ALPK1: variants seen among roughly 807,000 people sequenced by gnomAD.
ALPK1 encodes the protein alpha kinase 1.
In ALPK1, 110 loss-of-function variants were observed where a neutral mutation model predicts 120.6. The ratio of observed to expected loss-of-function variants is 0.91; its 90% CI spans 0.78 to 1.07. The LOEUF is 1.07. ALPK1 is among the 50% of genes least tolerant of loss of function. The pLI is 0.00. For synonymous variants in ALPK1, 582 were observed against 560.3 expected (o/e 1.04, Z -0.55); for missense variants, 1,498 against 1,483.9 (o/e 1.01, Z -0.16).
At chr4:112,403,204 C>T (rs554981000) in intron 4 of ALPK1, among the ~76,000 whole-genome samples, 2 of 151,824 alleles carry the variant, frequency 1.3e-5, no homozygotes, top group East Asian at 1.9e-4. Context: ...GAGTGCCCCC[C>T]GCCCCCTCCC....
At chr4:112,439,497 A>T (rs773972839) in intron 13 of ALPK1, among the ~76,000 whole-genome samples, 189 bp from the exon 14 acceptor site, 3 of 152,202 alleles carry the variant, frequency 2.0e-5, no homozygotes, top group Non-Finnish European at 2.9e-5. Context: ...AGCATTTTAC[A>T]TGCATTTCCT....
At chr4:112,369,039 G>A (rs1431030758) in intron 2 of ALPK1, among the ~76,000 whole-genome samples, 2 of 151,600 alleles carry the variant, frequency 1.3e-5, no homozygotes, top group African/African-American at 2.4e-5. Context: ...TTCTTTTTTT[G>A]TTTTCTGAGT....
At chr4:112,425,781 A>T in intron 7 of ALPK1, 30 bp downstream of exon 7, 2 of 1,567,640 alleles carry the variant, frequency 1.3e-6, no homozygotes, top group Non-Finnish European at 1.8e-6. Context: ...GCATTTCTCA[A>T]GGCTCATTTA....
intron 2 of ALPK1, among the ~76,000 whole-genome samples, chr4:112,372,993 G>A (rs1365164836): frequency 6.6e-6 from 1 of 152,018 alleles, no homozygotes. Context: ...TCTCTTTCTC[G>A]ATGTAGTTCT....
intron 4 of ALPK1, among the ~76,000 whole-genome samples, chr4:112,392,288 A>T (rs1020458395): frequency 1.3e-5 from 2 of 152,090 alleles, no homozygotes; most frequent in South Asian, 4.2e-4. Flanking sequence ...ATATCGGTAA[A>T]TGGCACTACA....
At chr4:112,337,629 G>C (rs1201918261) in intron 2 of ALPK1, among the ~76,000 whole-genome samples, 1 of 152,148 alleles carries the variant, frequency 6.6e-6, no homozygotes, top group Non-Finnish European at 1.5e-5. Context: ...ATTTGAGCCA[G>C]GAGTTAGAGG....
At chr4:112,385,132 C>T (rs1732095278) in intron 4 of ALPK1, among the ~76,000 whole-genome samples, 2 of 152,152 alleles carry the variant, frequency 1.3e-5, no homozygotes, top group Admixed American at 6.5e-5. Context: ...CTGCAATCAC[C>T]AGATCCCCTG....
chr4:112,356,364 A>T (rs1327942273), intron 2 of ALPK1: 1 of 837,402 alleles, frequency 1.2e-6, no homozygotes, highest in East Asian at 2.4e-5. Flanking sequence ...GTGCAAGGGG[A>T]GCTTCTCTCA....
chr4:112,415,774 C>T (rs766413317), intron 5 of ALPK1, among the ~76,000 whole-genome samples: 8 of 152,152 alleles, frequency 5.3e-5, no homozygotes, highest in Non-Finnish European at 1.0e-4. Context: ...AACTACAAAA[C>T]CATGGCTGAA....
rs145632066 is a variant in ALPK1 at position 112,382,501 on chromosome 4, G to C, written c.225G>C (p.Glu75Asp). ...KWQYKQAVGP[E>D]DKTNLKDVIG... ...AGTACAAACAAGCCGTGGGCCCAGA[G>C]GACAAAACAAACCTGAAGGATGTGA... Residue 75 changes from glutamate to aspartate, a missense_variant, in exon 4 of 16, where the codon GAG becomes GAC. Transcript: ENST00000650871. 6.2e-7 allele frequency: 1 copy of C among 1,614,094 alleles called. No homozygotes were observed. Among genetic ancestry groups the C allele is most frequent in the African/African-American group, 1.3e-5 (1 of 75,000 alleles).
intron 4 of ALPK1, among the ~76,000 whole-genome samples, chr4:112,392,234 T>C (rs1272978556): frequency 6.6e-6 from 1 of 152,120 alleles, no homozygotes; most frequent in African/African-American, 2.4e-5. Flanking sequence ...TCTCAACTTC[T>C]TCTCCCTCCA....
At chr4:112,356,682 A>G (rs1730636379) in intron 2 of ALPK1, 1 of 972,474 alleles carries the variant, frequency 1.0e-6, no homozygotes. Context: ...AGCCTGGAGC[A>G]GGAGCTGGCC....
chr4:112,432,307 C>A lies in ALPK1; in HGVS notation c.2760C>A (p.Cys920Ter), dbSNP rs1213629066. Residue 920 changes from cysteine (C) to a stop codon, truncating the protein, a stop_gained, in exon 11 of 16, where the codon TGC (cysteine) becomes TGA (stop). Transcript: ENST00000650871. LOFTEE classifies it high-confidence loss of function. Reference sequence around the variant, plus strand: ...ATCAGCCTGGAAACATGCTAAACTGCAGCCAGAACTCCAGCTCATCCTCAG... The same window carrying A: ...ATCAGCCTGGAAACATGCTAAACTGAAGCCAGAACTCCAGCTCATCCTCAG... ...EGNQPGNMLNCSQNSSSSSVW... is the reference protein window; with the variant it reads ...EGNQPGNMLN 6.2e-7 allele frequency: 1 copy of A among 1,614,246 alleles called. No individual in the cohort carries two copies. Among genetic ancestry groups the A allele is most frequent in the East Asian group, 2.2e-5 (1 of 44,886 alleles).
At chr4:112,341,592 T>A (rs576221237) in intron 2 of ALPK1, among the ~76,000 whole-genome samples, 3 of 152,330 alleles carry the variant, frequency 2.0e-5, no homozygotes, top group South Asian at 4.1e-4. Flanking sequence ...AATTTATTGA[T>A]CTTCTCCTCA....
chr4:112,440,891 C>G lies in ALPK1; in HGVS notation c.3539-26C>G, dbSNP rs201039600. On this transcript the variant is annotated intron_variant, in intron 14 of 15. Transcript: ENST00000650871. ...ATGGACATTTACAGGGAATTTAATA[C>G]TCAGGTGTGTTCATTTCTCTTTTAG... is the stretch of plus-strand genomic sequence containing the variant. 6.8e-4 allele frequency: 1,072 copies of G among 1,587,048 alleles called. 1 individual carries two copies. The highest frequency in any genetic ancestry group is 8.4e-4 in the Non-Finnish European group (983 of 1,167,826).
intron 4 of ALPK1, among the ~76,000 whole-genome samples, chr4:112,392,382 T>G (rs557804577): frequency 6.6e-6 from 1 of 152,316 alleles, no homozygotes; most frequent in Admixed American, 6.5e-5. Flanking sequence ...TTCTAATAAT[T>G]TTCCTCTTAG....
chr4:112,300,149 A>G (rs1727723019), intron 1 of ALPK1, among the ~76,000 whole-genome samples: 1 of 152,236 alleles, frequency 6.6e-6, no homozygotes, highest in Non-Finnish European at 1.5e-5. Context: ...TACTGTACCC[A>G]TAAAACATGA....
intron 2 of ALPK1, among the ~76,000 whole-genome samples, chr4:112,319,770 A>G (rs1728785959): frequency 6.6e-6 from 1 of 152,152 alleles, no homozygotes; most frequent in South Asian, 2.1e-4. Context: ...TCCTTGGTTA[A>G]GCATATTCCT....
chr4:112,311,879 G>A (rs1041783547), intron 1 of ALPK1, among the ~76,000 whole-genome samples: 2 of 152,188 alleles, frequency 1.3e-5, no homozygotes, highest in African/African-American at 4.8e-5. Flanking sequence ...AAGTAAGGCT[G>A]AAAGAAAAAC....
Sources: allele counts gnomAD v4.1 joint callset (sites outside exome capture counted in the v4.1 genomes callset), GRCh38; gene constraint gnomAD v4.1.1; transcripts MANE v1.5; gene names NCBI Gene and HGNC (gene_info 2026-07-23, HGNC 2026-07-21).